The following NCOA7 variants were observed in gnomAD, a reference collection of about 807,000 sequenced individuals.
The protein encoded by NCOA7 is nuclear receptor coactivator 7, also known as 140 kDa estrogen receptor-associated protein.
Under a neutral mutation model 104.3 loss-of-function variants are expected in NCOA7, and 45 were observed. The observed-to-expected ratio is 0.43, with a 90% CI of 0.34 to 0.55. NCOA7 has a LOEUF of 0.55. Among genes scored for constraint, NCOA7 ranks in the 20% least tolerant of loss-of-function variants. NCOA7 has a pLI of 0.02. For synonymous variants in NCOA7, 398 were observed against 402.3 expected (o/e 0.99, Z 0.13); for missense variants, 1,041 against 1,119.7 (o/e 0.93, Z 1.00).
Position 125,928,243 on chromosome 6 carries a change from G to A in NCOA7, c.2689G>A (p.Gly897Arg). Residue 897 changes from glycine to arginine, a missense_variant, in exon 15 of 16, where the codon GGA becomes AGA. Gly to Arg is a moderately radical substitution (Grantham distance 125, BLOSUM62 -2). This residue lies in a region of NCOA7 where 127 missense variants were observed against 177.0 expected (regional missense o/e 0.72). Transcript: ENST00000392477. ...GDISSLELGG[G>R]GGRFGLWLDA... Reference sequence around the variant, plus strand: ...CATAAGTTCTTTAGAACTTGGTGGTGGAGGGTAAGGTTTTTTTTGTTTTTG... The same window carrying A: ...CATAAGTTCTTTAGAACTTGGTGGTAGAGGGTAAGGTTTTTTTTGTTTTTG... 1.9e-6 allele frequency: 3 copies of A among 1,608,564 alleles called. No individual in the cohort carries two copies. Among genetic ancestry groups the A allele is most frequent in the Non-Finnish European group, 2.5e-6 (3 of 1,178,772 alleles).
At chr6:125,919,196 A>C (rs1787346363) in intron 11 of NCOA7, 1 of 1,543,638 alleles carries the variant, frequency 6.5e-7, no homozygotes, top group Non-Finnish European at 8.7e-7. Context: ...AGAAATGTTG[A>C]AACTTCTCCT....
chr6:125,886,314 G>A (rs1784258382), intron 8 of NCOA7, among the ~76,000 whole-genome samples: 1 of 152,158 alleles, frequency 6.6e-6, no homozygotes, highest in Admixed American at 6.5e-5. Flanking sequence ...CATGGGCCCT[G>A]AAGTAGTTTC....
intron 2 of NCOA7, among the ~76,000 whole-genome samples, chr6:125,844,383 GA>G (rs1376451144): frequency 3.3e-5 from 5 of 152,038 alleles, no homozygotes; most frequent in Non-Finnish European, 7.4e-5. Flanking sequence ...TAGAAAAAAG[GA>G]AAAAAAGAAT....
intron 1 of NCOA7, among the ~76,000 whole-genome samples, chr6:125,784,515 C>G (rs1458869104): frequency 6.6e-6 from 1 of 152,176 alleles, no homozygotes; most frequent in African/African-American, 2.4e-5. Flanking sequence ...TACCATATGA[C>G]TCAGCAAATG....
rs1416222206 is a variant in NCOA7 at position 125,915,396 on chromosome 6, A to G, written c.2160A>G (p.Lys720=). 2 of 1,613,974 alleles carry G rather than the reference A, an allele frequency of 1.2e-6. No homozygotes were observed. The highest frequency in any genetic ancestry group is 1.3e-5 in the African/African-American group (1 of 75,032). The change falls in exon 11 of 16, where the codon AAA becomes AAG. Residue 720 remains lysine, a synonymous_variant. Transcript: ENST00000392477. Reference sequence around the variant, plus strand: ...CCGATGTCTATGGAAAAGATGCCAAAGAGCAAGGCTTTGTGGTGGTGGAGA... The same window carrying G: ...CCGATGTCTATGGAAAAGATGCCAAGGAGCAAGGCTTTGTGGTGGTGGAGA... ...WSPDVYGKDA[K]EQGFVVVEKE... is the part of the protein sequence containing the mutation.
chr6:125,808,921 T>A (rs1226464227), intron 1 of NCOA7, among the ~76,000 whole-genome samples: 1 of 152,212 alleles, frequency 6.6e-6, no homozygotes, highest in Admixed American at 6.5e-5. Flanking sequence ...TTGTTTAATT[T>A]TTCTCAGGTC....
intron 1 of NCOA7, among the ~76,000 whole-genome samples, chr6:125,812,008 G>A (rs371055750): frequency 2.0e-5 from 3 of 152,216 alleles, no homozygotes; most frequent in East Asian, 1.9e-4. Flanking sequence ...AGCTAGTGCT[G>A]TTGAATTAAG....
chr6:125,782,905 T>G (rs1224864178), intron 1 of NCOA7, among the ~76,000 whole-genome samples: 2 of 152,134 alleles, frequency 1.3e-5, no homozygotes, highest in Non-Finnish European at 2.9e-5. Context: ...TTATCCTAGA[T>G]TACCTGGATG....
chr6:125,869,534 A>G (rs565860827), intron 3 of NCOA7, among the ~76,000 whole-genome samples: 10 of 152,334 alleles, frequency 6.6e-5, no homozygotes, highest in Non-Finnish European at 1.2e-4. Flanking sequence ...AAGGCTATAG[A>G]TGAAATTGAG....
chr6:125,785,604 A>G (rs540686188), intron 1 of NCOA7, among the ~76,000 whole-genome samples: 2 of 152,238 alleles, frequency 1.3e-5, no homozygotes, highest in Non-Finnish European at 2.9e-5. Context: ...TTTTTTAGGG[A>G]TTCATTTCAA....
Position 125,864,897 on chromosome 6 carries a change from A to C in NCOA7, c.271+9657A>C, listed in dbSNP as rs1335686110. The stretch of plus-strand genomic sequence containing the variant: ...TCTTCTGTTTTCTTCTGAAGTGTTC[A>C]TATGCACAATTATTGTCCTTGATCC... On this transcript the variant is annotated intron_variant, in intron 3 of 15. Transcript: ENST00000392477. 1.4e-5 allele frequency among the ~76,000 whole-genome samples: 2 copies of C among 138,176 alleles called. 1 individual carries two copies. The highest frequency in any genetic ancestry group is 6.0e-5 in the African/African-American group (2 of 33,166). 90.6% of individuals were successfully genotyped at this position (138,176 alleles called of 152,430 possible).
intron 2 of NCOA7, 42 bp from the exon 3 acceptor site, chr6:125,854,978 T>G (rs763948564): frequency 3.0e-5 from 41 of 1,355,444 alleles, no homozygotes; most frequent in Non-Finnish European, 4.2e-5. Context: ...TACCAGCAAA[T>G]CATCTCTCCA....
chr6:125,880,438 G>A (rs965944042), intron 5 of NCOA7, among the ~76,000 whole-genome samples: 3 of 151,852 alleles, frequency 2.0e-5, no homozygotes, highest in Admixed American at 2.0e-4. Context: ...GCTTCAGTTG[G>A]ACCCACTTGC....
At chr6:125,856,008 C>T (rs1046722973) in intron 3 of NCOA7, among the ~76,000 whole-genome samples, 2 of 152,158 alleles carry the variant, frequency 1.3e-5, no homozygotes, top group Non-Finnish European at 2.9e-5. Context: ...AAACTACATT[C>T]GCAGAAGTGG....
chr6:125,792,644 T>C (rs945880558), intron 1 of NCOA7, among the ~76,000 whole-genome samples: 32 of 152,188 alleles, frequency 2.1e-4, no homozygotes, highest in African/African-American at 7.5e-4. Flanking sequence ...AAATGTGTGA[T>C]ATAGATACAC....
chr6:125,872,356 G>A (rs1723033395), intron 3 of NCOA7, among the ~76,000 whole-genome samples: 1 of 152,198 alleles, frequency 6.6e-6, no homozygotes, highest in South Asian at 2.1e-4. Flanking sequence ...TACAGCTTAT[G>A]GAAGGGCGTT....
chr6:125,909,243 G>T (rs1343199468), intron 10 of NCOA7, among the ~76,000 whole-genome samples: 2 of 152,162 alleles, frequency 1.3e-5, no homozygotes, highest in African/African-American at 4.8e-5. Context: ...TCTAGTCCTG[G>T]CTGTGATCCT....
intron 2 of NCOA7, among the ~76,000 whole-genome samples, chr6:125,834,281 A>G (rs935042239): frequency 1.3e-5 from 2 of 152,240 alleles, no homozygotes; most frequent in African/African-American, 4.8e-5. Flanking sequence ...TACTTATTAA[A>G]TACATGTGAA....
In NCOA7 at chr6:125,814,985, T is replaced by C. The variant is rs763563272; in HGVS notation, c.-64-306T>C. Among the ~76,000 whole-genome samples, 37 of 152,150 alleles carry C rather than the reference T, an allele frequency of 2.4e-4. 1 individual carries two copies. Among genetic ancestry groups the C allele is most frequent in the Non-Finnish European group, 5.1e-4 (35 of 68,014 alleles). ...TTTTAAATAATTAGCATCTACATAG[T>C]TAGGCTACAATCTTCCAAAGTCAGT... On this transcript the variant is annotated intron_variant, in intron 1 of 15. Transcript: ENST00000392477.
Sources: allele counts gnomAD v4.1 joint callset (sites outside exome capture counted in the v4.1 genomes callset), GRCh38; gene constraint gnomAD v4.1.1; regional missense constraint gnomAD v4.1.1; transcripts MANE v1.5; gene names NCBI Gene and HGNC (gene_info 2026-07-23, HGNC 2026-07-21).